Variants in GRID2 observed in about 807,000 individuals in gnomAD.
The protein encoded by GRID2 is glutamate receptor ionotropic, delta-2.
A neutral mutation model predicts 114.8 loss-of-function variants in GRID2; 33 were observed. That is an observed-to-expected ratio of 0.29 (90% CI 0.22 to 0.38). The LOEUF (loss-of-function observed/expected upper bound fraction) is 0.38. GRID2 is among the 10% of genes least tolerant of loss of function. The pLI is 1.00. For missense variants in GRID2, 1,184 were observed against 1,257.7 expected, an observed-to-expected ratio of 0.94 and a Z score of 0.89; for synonymous variants, 505 against 449.9, an observed-to-expected ratio of 1.12 and a Z score of -1.55.
intron 2 of GRID2, among the ~76,000 whole-genome samples, chr4:92,861,021 A>C (rs540868131): frequency 6.6e-6 from 1 of 152,080 alleles, no homozygotes; most frequent in African/African-American, 2.4e-5. Context: ...AGTACCAAGC[A>C]TTTTAAGTCT....
At chr4:92,459,597 C>A (rs1721380400) in intron 1 of GRID2, among the ~76,000 whole-genome samples, 1 of 152,012 alleles carries the variant, frequency 6.6e-6, no homozygotes, top group African/African-American at 2.4e-5. Flanking sequence ...TTTCTTTAAA[C>A]TTTGAGTTTT....
chr4:92,897,659 T>A (rs1242822130), intron 2 of GRID2, among the ~76,000 whole-genome samples: 1 of 152,152 alleles, frequency 6.6e-6, no homozygotes, highest in Admixed American at 6.5e-5. Flanking sequence ...TTTGAGAAAG[T>A]CATTCAAGTG....
chr4:93,769,244 A>C lies in GRID2; in HGVS notation c.2395A>C (p.Ile799Leu). Residue 799 changes from isoleucine to leucine, a missense_variant, in exon 15 of 16, where the codon ATC (isoleucine) becomes CTC (leucine). This residue lies in a region of GRID2 where 717 missense variants were observed against 796.9 expected (regional missense o/e 0.90). Coordinates refer to ENST00000282020, the MANE Select transcript of GRID2 (RefSeq NM_001510.4). Reference protein sequence around the residue: ...LELQQNGDMDILKHKWWPKNG... With the variant: ...LELQQNGDMDLLKHKWWPKNG... ...GCTTCAGCAGAATGGTGACATGGAC[A>C]TCCTGAAGCACAAATGGTGGCCTAA... is the stretch of plus-strand genomic sequence containing the variant. The C allele has an allele frequency of 6.2e-7, 1 of 1,613,856 alleles. No individual in the cohort carries two copies. The highest frequency in any genetic ancestry group is 8.5e-7 in the Non-Finnish European group (1 of 1,179,712).
chr4:93,489,453 A>G (rs775238768), intron 11 of GRID2, among the ~76,000 whole-genome samples: 12 of 151,874 alleles, frequency 7.9e-5, no homozygotes, highest in Non-Finnish European at 1.2e-4. Context: ...TTTTTATTTT[A>G]TTTTTTAAAG....
rs529675518 is a variant in GRID2 at position 92,817,399 on chromosome 4, A to G, written c.244+227113A>G. On this transcript the variant is annotated intron_variant, in intron 2 of 15. Transcript: ENST00000282020. ...ACCTTACTCCTATTTTCTTCAGGAT[A>G]AAGTTTGTACTTATCCTAGATGACA... Among the ~76,000 whole-genome samples the G allele has an allele frequency of 3.3e-5, 5 of 152,260 alleles. No homozygotes were observed. The South Asian group carries it at 6.2e-4, about 19-fold the overall frequency.
chr4:93,237,243 A>G (rs564222681), intron 7 of GRID2, among the ~76,000 whole-genome samples: 1 of 152,122 alleles, frequency 6.6e-6, no homozygotes, highest in South Asian at 2.1e-4. Context: ...ATAGTAAAGA[A>G]TTAATTTTGT....
At chr4:93,502,295 G>A (rs916452888) in intron 12 of GRID2, among the ~76,000 whole-genome samples, 1 of 151,782 alleles carries the variant, frequency 6.6e-6, no homozygotes, top group Admixed American at 6.6e-5. Context: ...CCAATTCTTC[G>A]CTCACTGCAC....
intron 2 of GRID2, among the ~76,000 whole-genome samples, chr4:92,594,952 G>C (rs901527062): frequency 6.6e-6 from 1 of 151,934 alleles, no homozygotes; most frequent in African/African-American, 2.4e-5. Context: ...GAAATGTAAG[G>C]ATGGTATATT....
At chr4:93,367,318 G>T (rs1762438620) in intron 8 of GRID2, among the ~76,000 whole-genome samples, 1 of 150,518 alleles carries the variant, frequency 6.6e-6, no homozygotes, top group Admixed American at 6.7e-5. Flanking sequence ...ATCCCACCCA[G>T]TCATGCCATC....
chr4:93,209,261 T>C (rs1482249492), intron 5 of GRID2, among the ~76,000 whole-genome samples: 1 of 151,936 alleles, frequency 6.6e-6, no homozygotes, highest in Non-Finnish European at 1.5e-5. Flanking sequence ...CTCTCTTCCC[T>C]TCAGTAGACC....
At chr4:92,779,185 AATGTGTGTGTGTGTGTGTGTGTGT>A (rs1738947408) in intron 2 of GRID2, among the ~76,000 whole-genome samples, 1 of 118,506 alleles carries the variant, frequency 8.4e-6, no homozygotes, top group South Asian at 2.5e-4. Context: ...GTAGTAAGTA[AATGTGTGTGTGTGTGTGTGTGTGT>A]ATGTGTGTGT....
chr4:92,987,253 A>C (rs937145894), intron 2 of GRID2, among the ~76,000 whole-genome samples: 1 of 152,142 alleles, frequency 6.6e-6, no homozygotes, highest in African/African-American at 2.4e-5. Flanking sequence ...AATGGAACTA[A>C]GATTTGAACT....
At chr4:93,785,724 G>T (rs191063088) in intron 1 of GRID2, among the ~76,000 whole-genome samples, 347 of 152,244 alleles carry the variant, frequency 2.3e-3, no homozygotes, top group Admixed American at 6.1e-3. Flanking sequence ...CACTCTCACT[G>T]CCCCAGGAGA....
At chr4:93,100,952 T>C (rs1420518883) in intron 3 of GRID2, among the ~76,000 whole-genome samples, 1 of 151,964 alleles carries the variant, frequency 6.6e-6, no homozygotes, top group Non-Finnish European at 1.5e-5. Flanking sequence ...GGAAAATGAG[T>C]AGTATTGCAG....
At chr4:92,465,634 A>T in intron 1 of GRID2, among the ~76,000 whole-genome samples, 1 of 152,182 alleles carries the variant, frequency 6.6e-6, no homozygotes, top group African/African-American at 2.4e-5. Flanking sequence ...TCCTTTTAAT[A>T]TTGTGCAATT....
At chr4:92,460,727 G>A (rs1721454624) in intron 1 of GRID2, among the ~76,000 whole-genome samples, 1 of 152,068 alleles carries the variant, frequency 6.6e-6, no homozygotes, top group South Asian at 2.1e-4. Context: ...CATTTTGAAA[G>A]TCTAAACTCT....
chr4:93,792,164 A>G (rs1734706638), intron 1 of GRID2, among the ~76,000 whole-genome samples: 1 of 152,174 alleles, frequency 6.6e-6, no homozygotes, highest in Non-Finnish European at 1.5e-5. Context: ...GTCTTATGAC[A>G]CCTCCAAGCC....
chr4:92,694,502 C>G (rs1262466849), intron 2 of GRID2, among the ~76,000 whole-genome samples: 1 of 152,198 alleles, frequency 6.6e-6, no homozygotes. Flanking sequence ...AGTCTGTGTC[C>G]TCAACCCTAT....
chr4:93,121,932 G>A (rs1302616935), intron 4 of GRID2, among the ~76,000 whole-genome samples: 1 of 151,982 alleles, frequency 6.6e-6, no homozygotes, highest in East Asian at 1.9e-4. Flanking sequence ...TTTCTTTTAT[G>A]GAGTGCCTGT....
Sources: allele counts gnomAD v4.1 joint callset (sites outside exome capture counted in the v4.1 genomes callset), GRCh38; gene constraint gnomAD v4.1.1; regional missense constraint gnomAD v4.1.1; transcripts MANE v1.5; gene names NCBI Gene and HGNC (gene_info 2026-07-23, HGNC 2026-07-21).